The following CDH13 variants were observed in gnomAD, a reference collection of about 807,000 sequenced individuals.
CDH13 encodes the protein cadherin 13.
CDH13 carries 24 observed loss-of-function variants against 63.8 expected under a neutral mutation model. The observed-to-expected ratio is 0.38, with a 90% CI of 0.27 to 0.53. CDH13 has a LOEUF of 0.53. Among genes scored for constraint, CDH13 ranks in the 20% least tolerant of loss-of-function variants. The pLI is 0.85. For synonymous variants in CDH13, 503 were observed against 355.3 expected (o/e 1.42, Z -4.67); for missense variants, 1,049 against 903.1 (o/e 1.16, Z -2.07).
At chr16:82,749,846 A>G (rs191315681) in intron 1 of CDH13, among the ~76,000 whole-genome samples, 16 of 152,070 alleles carry the variant, frequency 1.1e-4, no homozygotes, top group African/African-American at 3.6e-4. Flanking sequence ...CACCTAACAT[A>G]CATTTATGCC....
chr16:83,700,902 G>A (rs1236717119), intron 10 of CDH13, among the ~76,000 whole-genome samples: 1 of 152,084 alleles, frequency 6.6e-6, no homozygotes, highest in Non-Finnish European at 1.5e-5. Context: ...TTTTTTTTAA[G>A]AGCTACTAAT....
intron 2 of CDH13, among the ~76,000 whole-genome samples, chr16:82,893,647 C>T (rs2041154690): frequency 6.6e-6 from 1 of 152,162 alleles, no homozygotes; most frequent in East Asian, 1.9e-4. Context: ...TTCCCTGCTG[C>T]CTCTGAGCGA....
At chr16:83,633,004 T>A (rs1210096495) in intron 8 of CDH13, among the ~76,000 whole-genome samples, 1 of 152,072 alleles carries the variant, frequency 6.6e-6, no homozygotes, top group Non-Finnish European at 1.5e-5. Flanking sequence ...GAGTGTCTTT[T>A]GACATGCTAA....
intron 2 of CDH13, among the ~76,000 whole-genome samples, chr16:82,944,151 A>C (rs1347894838): frequency 6.6e-6 from 1 of 152,218 alleles, no homozygotes; most frequent in Non-Finnish European, 1.5e-5. Context: ...TCTTAGGAGA[A>C]CTGAGAATAC....
intron 1 of CDH13, among the ~76,000 whole-genome samples, chr16:82,735,827 C>G (rs935603795): frequency 6.6e-6 from 1 of 152,182 alleles, no homozygotes; most frequent in Non-Finnish European, 1.5e-5. Flanking sequence ...TAGCAAGTTT[C>G]ATTTTTAACT....
At chr16:83,556,891 C>T (rs572721406) in intron 7 of CDH13, among the ~76,000 whole-genome samples, 1 of 152,216 alleles carries the variant, frequency 6.6e-6, no homozygotes, top group South Asian at 2.1e-4. Flanking sequence ...TCCCTCCATC[C>T]CTGTGCCTCT....
intron 1 of CDH13, among the ~76,000 whole-genome samples, chr16:82,842,970 G>T (rs1023372179): frequency 6.6e-6 from 1 of 152,134 alleles, no homozygotes; most frequent in Non-Finnish European, 1.5e-5. Flanking sequence ...TGCAAGTGCT[G>T]GGGAGCAGCT....
intron 2 of CDH13, among the ~76,000 whole-genome samples, chr16:82,950,454 G>T (rs1431377669): frequency 6.6e-6 from 1 of 152,132 alleles, no homozygotes; most frequent in Non-Finnish European, 1.5e-5. Context: ...AATCATGGGG[G>T]TGGTTTCTAC....
At chr16:83,189,888 A>G (rs778672933) in intron 4 of CDH13, among the ~76,000 whole-genome samples, 2 of 152,162 alleles carry the variant, frequency 1.3e-5, no homozygotes, top group Non-Finnish European at 2.9e-5. Flanking sequence ...TGTTCTCATG[A>G]TAGTGAGTAA....
chr16:83,025,069 TAGGAAA>T (rs1010513155), intron 2 of CDH13, among the ~76,000 whole-genome samples: 6 of 152,232 alleles, frequency 3.9e-5, no homozygotes, highest in South Asian at 2.1e-4. Context: ...GGAAGCTGTG[TAGGAAA>T]AGGAAAAGGT....
At chr16:83,643,283 T>TAAAAAAA (rs1195185794) in intron 8 of CDH13, among the ~76,000 whole-genome samples, 1 of 93,830 alleles carries the variant, frequency 1.1e-5, no homozygotes, top group Non-Finnish European at 2.0e-5. Context: ...TAGAGTATAA[T>TAAAAAAA]AAAAAAAAAA....
At chr16:82,849,504 A>T (rs563682967) in intron 1 of CDH13, among the ~76,000 whole-genome samples, 1 of 152,324 alleles carries the variant, frequency 6.6e-6, no homozygotes, top group South Asian at 2.1e-4. Flanking sequence ...CCGTCTCAAA[A>T]AAATAAATAA....
chr16:82,877,545 A>G (rs576072903), intron 2 of CDH13, among the ~76,000 whole-genome samples: 41 of 152,320 alleles, frequency 2.7e-4, no homozygotes, highest in African/African-American at 8.2e-4. Flanking sequence ...TGTCTGTGGA[A>G]CACTATTCTG....
At chr16:83,216,833 T>C (rs34304147) in intron 4 of CDH13, among the ~76,000 whole-genome samples, 23,771 of 151,138 alleles carry the variant, frequency 0.16, 2,151 homozygotes, top group Admixed American at 0.2. Flanking sequence ...TATATGTATA[T>C]GTATAAACCT....
intron 4 of CDH13, among the ~76,000 whole-genome samples, chr16:83,156,619 T>G (rs1436933916): frequency 2.6e-5 from 4 of 152,290 alleles, no homozygotes; most frequent in African/African-American, 9.6e-5. Context: ...CATGGGCAGC[T>G]AACAAGCCCC....
chr16:83,373,880 C>T (rs1024130426), intron 6 of CDH13, among the ~76,000 whole-genome samples: 5 of 152,106 alleles, frequency 3.3e-5, no homozygotes, highest in Non-Finnish European at 7.4e-5. Flanking sequence ...GGAACAGAGA[C>T]CACCAGCATG....
intron 10 of CDH13, among the ~76,000 whole-genome samples, chr16:83,679,561 T>G (rs1198798442): frequency 6.6e-6 from 1 of 152,212 alleles, no homozygotes; most frequent in African/African-American, 2.4e-5. Flanking sequence ...GAATGCCAGA[T>G]GAACTAGACA....
intron 1 of CDH13, among the ~76,000 whole-genome samples, chr16:82,840,508 C>G (rs1213863072): frequency 4.6e-5 from 7 of 151,384 alleles, no homozygotes. Flanking sequence ...CATGGTGAAA[C>G]CTCGTCTCTA....
intron 3 of CDH13, among the ~76,000 whole-genome samples, chr16:83,086,783 A>C (rs2033623293): frequency 1.3e-5 from 2 of 152,210 alleles, no homozygotes; most frequent in South Asian, 4.1e-4. Context: ...AATGGCAAAA[A>C]CTGGGCACAG....
Sources: gnomAD v4.1 joint callset for allele counts (sites outside exome capture counted in the v4.1 genomes callset) on GRCh38, gnomAD v4.1.1 for gene constraint, MANE v1.5 for transcripts, NCBI Gene and HGNC (gene_info 2026-07-23, HGNC 2026-07-21) for gene names.